Variants in ITIH5 observed in about 807,000 individuals in gnomAD.
The protein encoded by ITIH5 is inter-alpha-trypsin inhibitor heavy chain H5.
In ITIH5, 65 loss-of-function variants were observed where a neutral mutation model predicts 77.5. The observed-to-expected ratio is 0.84, with a 90% confidence interval of 0.69 to 1.03. The LOEUF (loss-of-function observed/expected upper bound fraction) is 1.03. ITIH5 is among the 50% of genes least tolerant of loss of function. The probability of loss-of-function intolerance (pLI) is 0.00; values close to 1 mark genes in which losing one functional copy is unlikely to be tolerated. For missense variants in ITIH5, 1,208 were observed against 1,213.1 expected (o/e 1.00, Z 0.06); for synonymous variants, 525 against 494.3 (o/e 1.06, Z -0.82).
rs1464018324 is a variant in ITIH5 at position 7,640,667 on chromosome 10, A to G, written c.401+87T>C. 1.2e-5 allele frequency: 9 copies of G among 767,854 alleles called. No homozygotes were observed. In the Admixed American group the frequency reaches 1.8e-4, roughly 15 times the overall value. 47.6% of individuals were successfully genotyped at this position (767,854 alleles called of 1,614,324 possible). A position where few individuals can be genotyped will look rare whatever the true frequency, so the allele number is the denominator to read the frequency against. On this transcript the variant is annotated intron_variant, in intron 4 of 13. Transcript: ENST00000397146. ...AAGAGAAAAGTATTTGGAGGAAAGG[A>G]AGACGACAAGAGGAGTAGGCAAAGG...
Position 7,562,044 on chromosome 10 carries a change from T to C in ITIH5, c.*1039A>G, listed in dbSNP as rs991763221. 1 of 152,144 alleles carries C rather than the reference T, an allele frequency of 6.6e-6. No homozygotes were observed. Among genetic ancestry groups the C allele is most frequent in the African/African-American group, 2.4e-5 (1 of 41,416 alleles). The allele number at this position is 152,144 out of a possible 1,614,324, so 9.4% of individuals were successfully genotyped here. A position where few individuals can be genotyped will look rare whatever the true frequency, so the allele number is the denominator to read the frequency against. Reference sequence around the variant, plus strand: ...AGCTGGTTTCCTGACTTTTTTTCTATCTGACATGAGGGAAGCTGGAAGTCC... The same window carrying C: ...AGCTGGTTTCCTGACTTTTTTTCTACCTGACATGAGGGAAGCTGGAAGTCC... On this transcript the variant is annotated 3_prime_UTR_variant, in exon 14 of 14. Coordinates refer to ENST00000397146, the MANE Select transcript of ITIH5 (RefSeq NM_030569.7).
intron 8 of ITIH5, among the ~76,000 whole-genome samples, chr10:7,585,257 CTT>C (rs1832648578): frequency 6.6e-6 from 1 of 152,198 alleles, no homozygotes; most frequent in Non-Finnish European, 1.5e-5. Flanking sequence ...GTTGGGAGAA[CTT>C]AACATCTAGG....
At chr10:7,614,631 A>G (rs1337774988) in intron 7 of ITIH5, among the ~76,000 whole-genome samples, 1 of 152,172 alleles carries the variant, frequency 6.6e-6, no homozygotes, top group African/African-American at 2.4e-5. Context: ...GTCTCACTTC[A>G]TATTTTGAAA....
chr10:7,644,817 A>C (rs202104951), intron 2 of ITIH5, among the ~76,000 whole-genome samples: 7,251 of 137,062 alleles, frequency 0.053, 477 homozygotes, highest in Admixed American at 0.15. Flanking sequence ...TCACATATAT[A>C]TCATATATAT....
chr10:7,644,953 A>ACATATATATATCACATATATATATAT (rs1554757848), intron 2 of ITIH5, among the ~76,000 whole-genome samples: 58 of 3,520 alleles, frequency 0.016, 7 homozygotes, highest in South Asian at 0.1. Context: ...TATATATATC[A>ACATATATATATCACATATATATATAT]CACATATATA....
intron 7 of ITIH5, 120 bp from the exon 8 acceptor site, chr10:7,586,189 A>C: frequency 1.2e-6 from 1 of 832,450 alleles, no homozygotes; most frequent in Non-Finnish European, 1.8e-6. Flanking sequence ...AGTGTCAGCT[A>C]TGTAAAGGGC....
intron 5 of ITIH5, among the ~76,000 whole-genome samples, chr10:7,626,856 G>A (rs1018630710): frequency 2.0e-5 from 3 of 152,166 alleles, no homozygotes; most frequent in African/African-American, 7.2e-5. Flanking sequence ...ACCAAAGTTA[G>A]TTATTACTTT....
chr10:7,609,239 G>A lies in ITIH5; in HGVS notation c.939+6743C>T, dbSNP rs76387511. On this transcript the variant is annotated intron_variant, in intron 7 of 13. Coordinates refer to ENST00000397146, the MANE Select transcript of ITIH5 (RefSeq NM_030569.7). ...GTAAAACCCTCACAGCACTTGATAC[G>A]CACTGATCACTCAATGGTAACTACT... 7.9e-3 allele frequency among the ~76,000 whole-genome samples: 1,209 copies of A among 152,278 alleles called. 7 individuals are homozygous for A. Among genetic ancestry groups the A allele is most frequent in the Middle Eastern group, 0.024 (7 of 294 alleles).
In ITIH5 at chr10:7,644,870, ATC is replaced by A. The variant is rs1491508468; in HGVS notation, c.136-2782_136-2781del. On this transcript the variant is annotated intron_variant, in intron 2 of 13. Transcript: ENST00000397146. ...TATATCACATATGTATCACATATAT[ATC>A]ACATATATATATCACATATATATAT... is the stretch of plus-strand genomic sequence containing the variant. 2.3e-5 allele frequency among the ~76,000 whole-genome samples: 3 copies of A among 130,210 alleles called. 1 individual carries two copies. Among genetic ancestry groups the A allele is most frequent in the African/African-American group, 9.3e-5 (3 of 32,196 alleles). The allele number at this position is 130,210 out of a possible 152,430, so 85.4% of individuals were successfully genotyped here.
rs546560587 is a variant in ITIH5 at position 7,587,505 on chromosome 10, C to G, written c.940-1436G>C. ...CCCTTGAGGCTGGGTTCATCCCCGACTCTCCGTGGGGCCCTGGGGCCCTGA... is the reference window on the plus strand; with the variant it reads ...CCCTTGAGGCTGGGTTCATCCCCGAGTCTCCGTGGGGCCCTGGGGCCCTGA... On this transcript the variant is annotated intron_variant, in intron 7 of 13. Coordinates refer to ENST00000397146, the MANE Select transcript of ITIH5 (RefSeq NM_030569.7). Among the ~76,000 whole-genome samples, 148 of 152,346 alleles carry G rather than the reference C, an allele frequency of 9.7e-4. 1 individual carries two copies. Among genetic ancestry groups the G allele is most frequent in the Non-Finnish European group, 2.2e-4 (15 of 68,028 alleles).
intron 7 of ITIH5, among the ~76,000 whole-genome samples, chr10:7,610,798 A>G (rs1360606730): frequency 6.6e-6 from 1 of 152,218 alleles, no homozygotes; most frequent in Non-Finnish European, 1.5e-5. Flanking sequence ...AAAATTGCTC[A>G]GACATGTGTT....
chr10:7,652,542 T>G (rs1400860955), intron 2 of ITIH5, among the ~76,000 whole-genome samples: 1 of 152,122 alleles, frequency 6.6e-6, no homozygotes, highest in Non-Finnish European at 1.5e-5. Flanking sequence ...TGTTAAAAAT[T>G]TATGATAGTT....
rs1832015074 is a variant in ITIH5 at position 7,560,155 on chromosome 10, T to G, written c.*2928A>C. 4.6e-6 allele frequency: 1 copy of G among 216,050 alleles called. No homozygotes were observed. The highest frequency in any genetic ancestry group is 5.5e-5 in the Admixed American group (1 of 18,078). 13.4% of individuals were successfully genotyped at this position (216,050 alleles called of 1,614,324 possible). ...GTGAGCCACTGCACCTGGCCCCATGTCTCTTCTTATAAGGGCCTTAATCCC... is the reference window on the plus strand; with the variant it reads ...GTGAGCCACTGCACCTGGCCCCATGGCTCTTCTTATAAGGGCCTTAATCCC... On this transcript the variant is annotated 3_prime_UTR_variant, in exon 14 of 14. Coordinates refer to ENST00000397146, the MANE Select transcript of ITIH5 (RefSeq NM_030569.7).
intron 3 of ITIH5, 117 bp downstream of exon 3, chr10:7,641,810 A>G (rs759080571): frequency 1.3e-4 from 101 of 776,806 alleles, no homozygotes; most frequent in Non-Finnish European, 2.1e-4. Context: ...CTTCTGATCT[A>G]TATACCATCT....
chr10:7,637,037 A>T (rs1833809243), intron 5 of ITIH5, among the ~76,000 whole-genome samples, 191 bp downstream of exon 5: 1 of 151,910 alleles, frequency 6.6e-6, no homozygotes, highest in African/African-American at 2.4e-5. Flanking sequence ...GCGACAGAGG[A>T]CTTCGTCTCA....
At chr10:7,632,921 C>T (rs1011042558) in intron 5 of ITIH5, among the ~76,000 whole-genome samples, 1 of 152,190 alleles carries the variant, frequency 6.6e-6, no homozygotes, top group Non-Finnish European at 1.5e-5. Context: ...GTATTGGAAT[C>T]ATGGCAGGGG....
Position 7,644,708 on chromosome 10 carries a change from CATATATATCAT to C in ITIH5, c.136-2629_136-2619del, listed in dbSNP as rs1564277937. ...TCATATATATCACATATCTATATCA[CATATATATCAT>C]ATATATCACATATCTATATCACATA... On this transcript the variant is annotated intron_variant, in intron 2 of 13. Coordinates refer to ENST00000397146, the MANE Select transcript of ITIH5 (RefSeq NM_030569.7). 1.2e-4 allele frequency among the ~76,000 whole-genome samples: 16 copies of C among 134,622 alleles called. 1 individual carries two copies. Among genetic ancestry groups the C allele is most frequent in the African/African-American group, 4.6e-4 (16 of 34,854 alleles). 88.3% of individuals were successfully genotyped at this position (134,622 alleles called of 152,430 possible). A position where few individuals can be genotyped will look rare whatever the true frequency, so the allele number is the denominator to read the frequency against.
At chr10:7,632,538 GA>G (rs1451558166) in intron 5 of ITIH5, among the ~76,000 whole-genome samples, 1 of 152,046 alleles carries the variant, frequency 6.6e-6, no homozygotes, top group African/African-American at 2.4e-5. Flanking sequence ...TCAAGTGGCA[GA>G]AAAAAATAAT....
intron 8 of ITIH5, 105 bp downstream of exon 8, chr10:7,585,796 A>AC: frequency 9.8e-7 from 1 of 1,021,316 alleles, no homozygotes; most frequent in Non-Finnish European, 1.4e-6. Context: ...CCTGCCATCA[A>AC]CCCCAGCTTT....
Sources: allele counts gnomAD v4.1 joint callset (sites outside exome capture counted in the v4.1 genomes callset), GRCh38; gene constraint gnomAD v4.1.1; transcripts MANE v1.5; gene names NCBI Gene and HGNC (gene_info 2026-07-23, HGNC 2026-07-21).